Variants in MSI2 observed in about 807,000 individuals in gnomAD.
MSI2 encodes the protein musashi RNA binding protein 2.
In MSI2, 17 loss-of-function variants were observed where a neutral mutation model predicts 45.6. That is an observed-to-expected ratio of 0.37 (90% CI 0.26 to 0.56). The LOEUF is 0.56. Among genes scored for constraint, MSI2 ranks in the 20% least tolerant of loss-of-function variants. The pLI is 0.77. For synonymous variants in MSI2, 156 were observed against 158.2 expected (o/e 0.99, Z 0.11); for missense variants, 293 against 444.2 (o/e 0.66, Z 3.06).
intron 5 of MSI2, among the ~76,000 whole-genome samples, chr17:57,385,677 A>T (rs1011559285): frequency 2.0e-5 from 3 of 151,500 alleles, no homozygotes; most frequent in African/African-American, 7.3e-5. Flanking sequence ...AAACAAAAAA[A>T]CTCCTGCTGC....
intron 9 of MSI2, among the ~76,000 whole-genome samples, chr17:57,619,571 C>A (rs531179940): frequency 6.6e-6 from 1 of 152,194 alleles, no homozygotes; most frequent in African/African-American, 2.4e-5. Flanking sequence ...TACTGTGGGA[C>A]CTTGAGAGCC....
At chr17:57,581,051 C>T (rs1250798775) in intron 7 of MSI2, among the ~76,000 whole-genome samples, 1 of 106,800 alleles carries the variant, frequency 9.4e-6, no homozygotes, top group Non-Finnish European at 1.7e-5. Context: ...CTCGCTTTGT[C>T]ACCCAGGCTG....
At chr17:57,363,949 CT>C (rs1917010041) in intron 5 of MSI2, among the ~76,000 whole-genome samples, 1 of 152,184 alleles carries the variant, frequency 6.6e-6, no homozygotes, top group South Asian at 2.1e-4. Context: ...TATTAGCCAG[CT>C]AACGTGGTCC....
intron 5 of MSI2, among the ~76,000 whole-genome samples, chr17:57,301,646 C>T (rs1911430607): frequency 1.3e-5 from 2 of 152,366 alleles, no homozygotes; most frequent in African/African-American, 4.8e-5. Context: ...AACTGCAGCT[C>T]ATTTGTTTTC....
intron 6 of MSI2, among the ~76,000 whole-genome samples, chr17:57,462,904 C>G (rs1477624863): frequency 6.6e-6 from 1 of 152,242 alleles, no homozygotes; most frequent in Non-Finnish European, 1.5e-5. Flanking sequence ...CTCAGACATT[C>G]TCCTGGTGTT....
chr17:57,386,381 A>C (rs2083686573), intron 5 of MSI2, among the ~76,000 whole-genome samples: 1 of 152,050 alleles, frequency 6.6e-6, no homozygotes, highest in Non-Finnish European at 1.5e-5. Context: ...GGATTACCTG[A>C]GGGGAAAGAG....
rs1024022874 is a variant in MSI2 at position 57,627,032 on chromosome 17, G to T, written c.653-197G>T. ...TGGCTGCCCAAATATGGGTTAATTA[G>T]CAACAGCTGACAGCAGCGCCCCCGG... On this transcript the variant is annotated intron_variant, in intron 9 of 13. Coordinates refer to ENST00000284073, the MANE Select transcript of MSI2 (RefSeq NM_138962.4). This position sits in a 1 kb window ranked among gnomAD's most constrained non-coding sequence, Gnocchi z 4.6. The T allele has an allele frequency of 3.3e-6, 2 of 609,974 alleles. No individual in the cohort carries two copies. The highest frequency in any genetic ancestry group is 2.9e-6 in the Non-Finnish European group (1 of 341,520). 37.8% of individuals were successfully genotyped at this position (609,974 alleles called of 1,614,324 possible). A position where few individuals can be genotyped will look rare whatever the true frequency, so the allele number is the denominator to read the frequency against.
At chr17:57,271,742 A>ATTT (rs1329818335) in intron 5 of MSI2, among the ~76,000 whole-genome samples, 1 of 127,146 alleles carries the variant, frequency 7.9e-6, no homozygotes, top group Non-Finnish European at 1.6e-5. Flanking sequence ...GGCCACTGCA[A>ATTT]TCTTTTTTTT....
chr17:57,689,823 C>T, the MSI2 span, among the ~76,000 whole-genome samples: 1 of 152,114 alleles, frequency 6.6e-6, no homozygotes, highest in African/African-American at 2.4e-5. Context: ...GCTCAGCATG[C>T]GTTTTCAGAT....
chr17:57,312,150 T>C (rs886463233), intron 5 of MSI2, among the ~76,000 whole-genome samples: 1 of 152,216 alleles, frequency 6.6e-6, no homozygotes, highest in Non-Finnish European at 1.5e-5. Context: ...TTGGCCTTGC[T>C]GTCAGAGAGT....
chr17:57,561,899 T>C (rs73994403), intron 7 of MSI2, among the ~76,000 whole-genome samples: 8,804 of 152,194 alleles, frequency 0.058, 654 homozygotes, highest in African/African-American at 0.17. Context: ...GGTTCAGACG[T>C]TATTCGAATT....
At chr17:57,325,630 C>T (rs1338023456) in intron 5 of MSI2, among the ~76,000 whole-genome samples, 1 of 152,130 alleles carries the variant, frequency 6.6e-6, no homozygotes, top group Non-Finnish European at 1.5e-5. Flanking sequence ...TCTTTTTTAC[C>T]CCCTTTGCTG....
intron 11 of MSI2, among the ~76,000 whole-genome samples, chr17:57,653,622 A>G (rs577045074): frequency 1.3e-5 from 2 of 152,308 alleles, no homozygotes; most frequent in African/African-American, 2.4e-5. Context: ...GGGAAAAGAT[A>G]AAAGAAAACT....
chr17:57,562,528 G>A (rs909610141), intron 7 of MSI2, among the ~76,000 whole-genome samples: 3 of 152,220 alleles, frequency 2.0e-5, no homozygotes, highest in Non-Finnish European at 4.4e-5. Context: ...GTCGTAGCAC[G>A]CGACAGTGGG....
intron 6 of MSI2, among the ~76,000 whole-genome samples, chr17:57,494,829 C>A (rs556869916): frequency 6.6e-6 from 1 of 152,100 alleles, no homozygotes; most frequent in South Asian, 2.1e-4. Context: ...ATGCTGGACA[C>A]CAGGGATAAA....
chr17:57,628,342 A>G (rs536015344), intron 10 of MSI2: 33 of 152,392 alleles, frequency 2.2e-4, no homozygotes, highest in African/African-American at 7.2e-4. Flanking sequence ...GCGCCCTGAC[A>G]CTGATGACAG....
At chr17:57,337,737 G>A (rs1278666194) in intron 5 of MSI2, among the ~76,000 whole-genome samples, 1 of 152,162 alleles carries the variant, frequency 6.6e-6, no homozygotes, top group African/African-American at 2.4e-5. Context: ...AGAAGGAAAG[G>A]TTGTTCATAT....
intron 5 of MSI2, among the ~76,000 whole-genome samples, chr17:57,272,760 C>G (rs939671107): frequency 6.6e-6 from 1 of 152,184 alleles, no homozygotes; most frequent in Non-Finnish European, 1.5e-5. Context: ...ATTTTCATCC[C>G]ATTCCTCGCC....
intron 6 of MSI2, among the ~76,000 whole-genome samples, chr17:57,441,918 G>T (rs1473624539): frequency 6.6e-6 from 1 of 152,142 alleles, no homozygotes; most frequent in Non-Finnish European, 1.5e-5. Context: ...TCATGGGGAG[G>T]ACAGAAGGGT....
Sources: allele counts gnomAD v4.1 joint callset (sites outside exome capture counted in the v4.1 genomes callset), GRCh38; gene constraint gnomAD v4.1.1; non-coding constraint Gnocchi (gnomAD v3.1); transcripts MANE v1.5; gene names NCBI Gene and HGNC (gene_info 2026-07-23, HGNC 2026-07-21).